GRID1: variants seen among roughly 807,000 people sequenced by gnomAD.
GRID1 encodes the protein glutamate receptor ionotropic, delta-1.
A neutral mutation model predicts 98.0 loss-of-function variants in GRID1; 28 were observed. That is an observed-to-expected ratio of 0.29 (90% CI 0.21 to 0.39). The LOEUF (loss-of-function observed/expected upper bound fraction) is 0.39, where lower values mean the gene tolerates loss of function less well. Among genes scored for constraint, GRID1 ranks in the 10% least tolerant of loss-of-function variants. The pLI is 1.00. For synonymous variants in GRID1, 553 were observed against 538.5 expected, an observed-to-expected ratio of 1.03 and a Z score of -0.37; for missense variants, 1,111 against 1,340.5, an observed-to-expected ratio of 0.83 and a Z score of 2.67.
chr10:85,937,006 G>C (rs1294411256), intron 4 of GRID1, among the ~76,000 whole-genome samples: 1 of 152,166 alleles, frequency 6.6e-6, no homozygotes, highest in African/African-American at 2.4e-5. Flanking sequence ...CCGACCTGGA[G>C]AGCAGCTTCT....
At chr10:85,775,396 C>G (rs977990285) in intron 8 of GRID1, among the ~76,000 whole-genome samples, 3 of 151,856 alleles carry the variant, frequency 2.0e-5, no homozygotes, top group Non-Finnish European at 4.4e-5. Context: ...TTAATGGGTG[C>G]AGTACACCAG....
chr10:86,183,138 A>T (rs1462531424), intron 3 of GRID1, among the ~76,000 whole-genome samples: 1 of 152,076 alleles, frequency 6.6e-6, no homozygotes, highest in Admixed American at 6.6e-5. Flanking sequence ...CCCAGTCCCC[A>T]GGCAACCACT....
chr10:86,081,525 C>T (rs983227447), intron 4 of GRID1, among the ~76,000 whole-genome samples: 1 of 152,144 alleles, frequency 6.6e-6, no homozygotes, highest in Non-Finnish European at 1.5e-5. Context: ...TCAGCTCTGC[C>T]CTCATCATTC....
At chr10:86,043,041 A>G (rs907361709) in intron 4 of GRID1, among the ~76,000 whole-genome samples, 8 of 152,044 alleles carry the variant, frequency 5.3e-5, no homozygotes, top group African/African-American at 1.9e-4. Context: ...GCCGAGATCA[A>G]TCACTCCACT....
intron 5 of GRID1, among the ~76,000 whole-genome samples, chr10:85,910,602 T>C (rs1390509063): frequency 6.6e-6 from 1 of 152,184 alleles, no homozygotes; most frequent in Non-Finnish European, 1.5e-5. Flanking sequence ...GGAGAGCATC[T>C]AGGCAGAAGG....
Position 86,366,470 on chromosome 10 carries a change from C to A in GRID1, c.-78G>T. On this transcript the variant is annotated 5_prime_UTR_variant, in exon 1 of 16. Coordinates refer to ENST00000327946, the MANE Select transcript of GRID1 (RefSeq NM_017551.3). The surrounding 1 kb of genome is among the most constrained non-coding windows in gnomAD (Gnocchi z 4.1). ...GCGCGAAGCGGGGAGGCGCTGGTCC[C>A]GGTGCAGTCCCGGGCCGCTCCCCGG... The A allele has an allele frequency of 9.7e-7, 1 of 1,029,950 alleles. No homozygotes were observed. The highest frequency in any genetic ancestry group is 1.3e-6 in the Non-Finnish European group (1 of 747,182). 63.8% of individuals were successfully genotyped at this position (1,029,950 alleles called of 1,614,324 possible).
At chr10:85,743,886 TG>T (rs1022585207) in intron 8 of GRID1, among the ~76,000 whole-genome samples, 58 of 152,316 alleles carry the variant, frequency 3.8e-4, no homozygotes, top group African/African-American at 1.3e-3. Context: ...TCATAATGCA[TG>T]CATAGGTGCA....
chr10:85,840,023 T>A (rs1483753256), intron 8 of GRID1, among the ~76,000 whole-genome samples: 1 of 152,050 alleles, frequency 6.6e-6, no homozygotes, highest in Non-Finnish European at 1.5e-5. Flanking sequence ...GATAAATTCG[T>A]GTCACATACA....
intron 12 of GRID1, among the ~76,000 whole-genome samples, chr10:85,702,150 T>C (rs568640572): frequency 2.6e-5 from 4 of 152,154 alleles, no homozygotes; most frequent in Admixed American, 6.5e-5. Context: ...AAAAATACTA[T>C]AATTTACTAC....
chr10:86,058,492 A>G (rs1305209889), intron 4 of GRID1, among the ~76,000 whole-genome samples: 1 of 152,200 alleles, frequency 6.6e-6, no homozygotes, highest in Non-Finnish European at 1.5e-5. Context: ...GATTAAACTA[A>G]AAGGTCCAAC....
chr10:86,344,839 C>T (rs367570412), intron 2 of GRID1, among the ~76,000 whole-genome samples: 1 of 152,182 alleles, frequency 6.6e-6, no homozygotes, highest in Non-Finnish European at 1.5e-5. Flanking sequence ...CAGCAGGGGG[C>T]TCTCTGCTGG....
At position 85,915,181 on chromosome 10, in the gene GRID1, G is replaced by A. The variant is rs557249965; in HGVS notation, c.780+1005C>T. On this transcript the variant is annotated intron_variant, in intron 5 of 15. Transcript: ENST00000327946. The stretch of plus-strand genomic sequence containing the variant: ...TACATGGGTACACTTATCCCTACAC[G>A]TACTGGTTGCACACACAAACATACT... Among the ~76,000 whole-genome samples, 22 of 152,040 alleles carry A rather than the reference G, an allele frequency of 1.4e-4. No individual in the cohort carries two copies. In the East Asian group the frequency reaches 3.7e-3, roughly 25 times the overall value.
At chr10:85,750,012 C>G (rs192945740) in intron 8 of GRID1, among the ~76,000 whole-genome samples, 2 of 152,148 alleles carry the variant, frequency 1.3e-5, no homozygotes, top group African/African-American at 4.8e-5. Flanking sequence ...GGAATATAAG[C>G]TGCATGAGGA....
chr10:85,802,991 A>G (rs1326187754), intron 8 of GRID1, among the ~76,000 whole-genome samples: 1 of 152,068 alleles, frequency 6.6e-6, no homozygotes, highest in Non-Finnish European at 1.5e-5. Context: ...CACCATAAAT[A>G]AAAACAGGAA....
intron 4 of GRID1, among the ~76,000 whole-genome samples, chr10:86,022,785 G>A (rs890002134): frequency 3.3e-5 from 5 of 151,978 alleles, no homozygotes; most frequent in Non-Finnish European, 7.4e-5. Flanking sequence ...AGGCATGGTG[G>A]CAGGCGCCTG....
At chr10:85,756,271 T>C (rs1235700349) in intron 8 of GRID1, among the ~76,000 whole-genome samples, 1 of 152,188 alleles carries the variant, frequency 6.6e-6, no homozygotes, top group Non-Finnish European at 1.5e-5. Flanking sequence ...CACAATTTCA[T>C]GGATAGAAGA....
chr10:86,205,126 A>T (rs1325408384), intron 3 of GRID1, among the ~76,000 whole-genome samples: 2 of 152,264 alleles, frequency 1.3e-5, no homozygotes, highest in African/African-American at 2.4e-5. Flanking sequence ...GACTCCAAAC[A>T]GCATATTTGC....
chr10:86,154,315 G>A (rs186406357), intron 3 of GRID1, among the ~76,000 whole-genome samples: 8 of 152,156 alleles, frequency 5.3e-5, no homozygotes, highest in African/African-American at 1.7e-4. Context: ...GCAAGCCTAC[G>A]GGAGCAGGAT....
chr10:86,082,819 C>A (rs1843996179), intron 4 of GRID1, among the ~76,000 whole-genome samples: 1 of 152,236 alleles, frequency 6.6e-6, no homozygotes, highest in Admixed American at 6.5e-5. Context: ...CCTGCACTGT[C>A]CTGCCCCCTT....
Sources: gnomAD v4.1 joint callset for allele counts (sites outside exome capture counted in the v4.1 genomes callset) on GRCh38, gnomAD v4.1.1 for gene constraint, Gnocchi (gnomAD v3.1) non-coding constraint, MANE v1.5 for transcripts, NCBI Gene and HGNC (gene_info 2026-07-23, HGNC 2026-07-21) for gene names.